Variants in ZNF682 observed in about 807,000 individuals in gnomAD.
ZNF682 encodes zinc finger protein 682.
In ZNF682, 29 loss-of-function variants were observed where a neutral mutation model predicts 36.5. The observed-to-expected ratio is 0.80, with a 90% CI of 0.59 to 1.08. The LOEUF is 1.08. Among genes scored for constraint, ZNF682 ranks in the 50% least tolerant of loss-of-function variants. ZNF682 has a pLI of 0.00. For synonymous variants in ZNF682, 180 were observed against 197.0 expected (o/e 0.91, Z 0.72); for missense variants, 561 against 579.7 (o/e 0.97, Z 0.33).
intron 1 of ZNF682, among the ~76,000 whole-genome samples, chr19:20,028,789 A>G (rs2088454227): frequency 6.6e-6 from 1 of 152,198 alleles, no homozygotes; most frequent in Admixed American, 6.5e-5. Flanking sequence ...ACACGCGCAC[A>G]TGCATTAATG....
intron 1 of ZNF682, among the ~76,000 whole-genome samples, chr19:20,026,764 T>C (rs1446959069): frequency 1.3e-5 from 2 of 152,064 alleles, no homozygotes; most frequent in Non-Finnish European, 2.9e-5. Context: ...CTGTGCCCAG[T>C]CACAAAGAGA....
rs199848654 is a variant in ZNF682 at position 20,007,257 on chromosome 19, G to C, written c.245C>G (p.Thr82Ser). 5.4e-5 allele frequency: 87 copies of C among 1,607,692 alleles called. No homozygotes were observed. Among genetic ancestry groups the C allele is most frequent in the Non-Finnish European group, 7.0e-5 (82 of 1,177,804 alleles). ...AKPPAMSSHY[T>S]EDLLPEQCMQ... The stretch of plus-strand genomic sequence containing the variant: ...GCACTGTTCTGGCAAAAGGTCTTCA[G>C]TGTAATGAGAAGACATAGCTGAAAT... Residue 82 changes from threonine to serine, a missense_variant, in exon 4 of 4, where the codon ACT becomes AGT. By Grantham distance (58) the Thr-to-Ser change is moderately conservative. Coordinates refer to ENST00000397165, the MANE Select transcript of ZNF682 (RefSeq NM_033196.3).
intron 3 of ZNF682, among the ~76,000 whole-genome samples, chr19:20,018,724 T>C (rs1396053137): frequency 4.6e-5 from 7 of 152,176 alleles, no homozygotes; most frequent in African/African-American, 1.7e-4. Context: ...ATAAAAACAG[T>C]ATTTAAAATG....
chr19:20,022,966 C>T (rs2088399124), intron 3 of ZNF682, 38 bp downstream of exon 3: 1 of 1,569,936 alleles, frequency 6.4e-7, no homozygotes, highest in African/African-American at 1.4e-5. Flanking sequence ...GCCTTTGGAG[C>T]TTTCACCTGT....
chr19:20,008,973 C>G (rs2088255882), intron 3 of ZNF682, among the ~76,000 whole-genome samples: 1 of 152,096 alleles, frequency 6.6e-6, no homozygotes, highest in African/African-American at 2.4e-5. Context: ...ATGACACCAA[C>G]TGATTATACA....
At chr19:20,002,290 T>G (rs1162178369), downstream of ZNF682, among the ~76,000 whole-genome samples, 2 of 150,276 alleles carry the variant, frequency 1.3e-5, no homozygotes, top group African/African-American at 4.9e-5. Flanking sequence ...AGACAGGGTT[T>G]CACCATGTTG....
intron 3 of ZNF682, chr19:20,015,178 C>T (rs1218215374): frequency 7.7e-5 from 76 of 984,610 alleles, no homozygotes; most frequent in Non-Finnish European, 8.9e-5. Context: ...AAATTACCTT[C>T]AAATCACAAG....
At chr19:20,018,404 T>G (rs1224585751) in intron 3 of ZNF682, among the ~76,000 whole-genome samples, 3 of 152,150 alleles carry the variant, frequency 2.0e-5, no homozygotes, top group Non-Finnish European at 4.4e-5. Flanking sequence ...TCTCAAATTC[T>G]TTTAGGAGCT....
chr19:20,004,912 G>A lies in ZNF682; in HGVS notation c.*1093C>T, dbSNP rs1307867286. 6.6e-6 allele frequency: 1 copy of A among 152,116 alleles called. No individual in the cohort carries two copies. Among genetic ancestry groups the A allele is most frequent in the Admixed American group, 6.5e-5 (1 of 15,270 alleles). The allele number at this position is 152,116 out of a possible 1,614,324, so 9.4% of individuals were successfully genotyped here. On this transcript the variant is annotated 3_prime_UTR_variant, in exon 4 of 4. Coordinates refer to ENST00000397165, the MANE Select transcript of ZNF682 (RefSeq NM_033196.3). ...TTTCTGTTTAGGCTAACTAAATTAT[G>A]TTAACCTTGAATTACTCTTTATAAT...
At chr19:20,029,911 G>A (rs1568546346) in intron 1 of ZNF682, among the ~76,000 whole-genome samples, 1 of 152,146 alleles carries the variant, frequency 6.6e-6, no homozygotes, top group Non-Finnish European at 1.5e-5. Flanking sequence ...CAACCACTCT[G>A]GAGAGGCAGC....
chr19:20,011,375 G>A (rs150706372), intron 3 of ZNF682, among the ~76,000 whole-genome samples: 7 of 152,178 alleles, frequency 4.6e-5, no homozygotes, highest in South Asian at 2.1e-4. Context: ...CAATAATAGC[G>A]GAAGACAACA....
intron 1 of ZNF682, among the ~76,000 whole-genome samples, chr19:20,034,538 A>G (rs2335890): frequency 0.78 from 119,192 of 151,866 alleles, 46,926 homozygotes; most frequent in Middle Eastern, 0.87. Flanking sequence ...CAACACTTTA[A>G]GAGACCGAGG....
chr19:20,011,990 T>C (rs1338925658), intron 3 of ZNF682, among the ~76,000 whole-genome samples: 1 of 151,686 alleles, frequency 6.6e-6, no homozygotes, highest in East Asian at 1.9e-4. Flanking sequence ...TGAGCGGAGA[T>C]TGCGCCACTG....
At chr19:20,030,033 A>G (rs914860835) in intron 1 of ZNF682, among the ~76,000 whole-genome samples, 3 of 152,080 alleles carry the variant, frequency 2.0e-5, no homozygotes, top group African/African-American at 7.2e-5. Context: ...TGGGACAGGG[A>G]GAGGGCCCTA....
At chr19:19,999,564 T>C (rs191264790), downstream of ZNF682, among the ~76,000 whole-genome samples, 16 of 151,754 alleles carry the variant, frequency 1.1e-4, no homozygotes, top group East Asian at 3.1e-3. Flanking sequence ...TGAGACGGAG[T>C]CTCGCTGTTG....
rs1224469181 is a variant in ZNF682, at chr19:20,015,331, T to C, written c.226+7673A>G. 3.0e-6 allele frequency: 3 copies of C among 985,116 alleles called. No homozygotes were observed. In the African/African-American group the frequency reaches 5.2e-5, roughly 17 times the overall value. The allele number at this position is 985,116 out of a possible 1,614,324, so 61.0% of individuals were successfully genotyped here. ...GTAAATATAAGAGTCACAAACAAAA[T>C]GGGGTAAAACCTATTCAGTCAAACA... On this transcript the variant is annotated intron_variant, in intron 3 of 3. Transcript: ENST00000397165.
chr19:20,015,783 G>C (rs1227667293), intron 3 of ZNF682: 2 of 397,862 alleles, frequency 5.0e-6, no homozygotes, highest in East Asian at 3.6e-5. Context: ...CATAATACTA[G>C]GGAAACTTAT....
At chr19:20,035,478 C>A (rs569218428) in intron 1 of ZNF682, among the ~76,000 whole-genome samples, 2 of 152,082 alleles carry the variant, frequency 1.3e-5, no homozygotes, top group South Asian at 4.2e-4. Flanking sequence ...CCCACCTCAG[C>A]CTCCTAAATT....
intron 3 of ZNF682, chr19:20,015,625 A>T (rs1039321480): frequency 5.1e-6 from 2 of 390,196 alleles, no homozygotes; most frequent in African/African-American, 2.1e-5. Flanking sequence ...CTAGATAGCT[A>T]CAATTTTCAA....
Sources: gnomAD v4.1 joint callset for allele counts (sites outside exome capture counted in the v4.1 genomes callset) on GRCh38, gnomAD v4.1.1 for gene constraint, MANE v1.5 for transcripts, NCBI Gene and HGNC (gene_info 2026-07-23, HGNC 2026-07-21) for gene names.